The following GALNTL6 variants were observed in gnomAD, a reference collection of about 807,000 sequenced individuals.
GALNTL6 encodes the protein polypeptide N-acetylgalactosaminyltransferase like 6.
A neutral mutation model predicts 73.7 loss-of-function variants in GALNTL6; 46 were observed. The observed-to-expected ratio is 0.62, with a 90% CI of 0.49 to 0.80. GALNTL6 has a LOEUF of 0.80. GALNTL6 is among the 30% of genes least tolerant of loss of function. GALNTL6 has a pLI of 0.00. For missense variants in GALNTL6, 604 were observed against 755.0 expected (o/e 0.80, Z 2.34); for synonymous variants, 259 against 263.7 (o/e 0.98, Z 0.17).
intron 5 of GALNTL6, among the ~76,000 whole-genome samples, chr4:172,757,604 T>C (rs1165989501): frequency 6.6e-6 from 1 of 152,196 alleles, no homozygotes; most frequent in Non-Finnish European, 1.5e-5. Flanking sequence ...GAAACATCAA[T>C]TGAATGCAAG....
chr4:172,297,832 T>C (rs4478141), intron 3 of GALNTL6, among the ~76,000 whole-genome samples: 148,568 of 150,064 alleles, frequency 0.99, 73,556 homozygotes, highest in Middle Eastern at 1. Context: ...CTTGGCAATG[T>C]GGGCTCTTTT....
chr4:172,440,134 CT>C (rs1313254032), intron 5 of GALNTL6, among the ~76,000 whole-genome samples: 2 of 152,098 alleles, frequency 1.3e-5, no homozygotes, highest in Non-Finnish European at 2.9e-5. Flanking sequence ...TATGATTCAG[CT>C]CTTGGTATTT....
At chr4:172,569,927 G>A (rs565101885) in intron 5 of GALNTL6, among the ~76,000 whole-genome samples, 8 of 152,164 alleles carry the variant, frequency 5.3e-5, no homozygotes, top group Non-Finnish European at 7.3e-5. Flanking sequence ...GAAGGAGGAC[G>A]TAGTACGACA....
chr4:172,221,635 T>A (rs1015938148), intron 2 of GALNTL6, among the ~76,000 whole-genome samples: 55 of 151,854 alleles, frequency 3.6e-4, no homozygotes, highest in African/African-American at 1.3e-3. Flanking sequence ...TCAGAAAATT[T>A]GTCATTTTTG....
In GALNTL6 at chr4:172,348,507, T is replaced by C; in HGVS notation, c.387-16T>C. The C allele has an allele frequency of 1.2e-6, 2 of 1,602,888 alleles. No individual in the cohort carries two copies. Among genetic ancestry groups the C allele is most frequent in the Non-Finnish European group, 1.7e-6 (2 of 1,173,386 alleles). The stretch of plus-strand genomic sequence containing the variant: ...TTTTGTATTTGACACACCATTTTCT[T>C]TTCCCTCATCTCCAGCTGTAAGCAT... On this transcript the variant is annotated splice_polypyrimidine_tract_variant and intron_variant, in intron 4 of 12. Coordinates refer to ENST00000506823, the MANE Select transcript of GALNTL6 (RefSeq NM_001034845.3).
intron 2 of GALNTL6, among the ~76,000 whole-genome samples, chr4:172,144,508 A>G (rs954907402): frequency 7.9e-5 from 12 of 152,236 alleles, no homozygotes; most frequent in Non-Finnish European, 1.5e-4. Context: ...ATATAGTTAC[A>G]TGATAAAATC....
chr4:172,692,277 G>T (rs1333094756), intron 5 of GALNTL6, among the ~76,000 whole-genome samples: 2 of 151,860 alleles, frequency 1.3e-5, no homozygotes, highest in Non-Finnish European at 2.9e-5. Flanking sequence ...ACTATTTGCA[G>T]ATTTTTGCAA....
At chr4:172,010,935 T>G (rs1354329666) in intron 2 of GALNTL6, among the ~76,000 whole-genome samples, 1 of 152,062 alleles carries the variant, frequency 6.6e-6, no homozygotes, top group African/African-American at 2.4e-5. Context: ...GTAAGATGGA[T>G]GCTATATATT....
At chr4:172,210,861 A>G (rs575555964) in intron 2 of GALNTL6, among the ~76,000 whole-genome samples, 1 of 152,316 alleles carries the variant, frequency 6.6e-6, no homozygotes, top group African/African-American at 2.4e-5. Context: ...TTATTTATTC[A>G]ATCATTTGTT....
chr4:172,952,169 A>G lies in GALNTL6; in HGVS notation c.1282A>G (p.Lys428Glu). 1 of 1,614,096 alleles carries G rather than the reference A, an allele frequency of 6.2e-7. No individual in the cohort carries two copies. Among genetic ancestry groups the G allele is most frequent in the Non-Finnish European group, 8.5e-7 (1 of 1,180,004 alleles). ...GGAGCTGCGCAAGCAGCTCAAGTGC[A>G]AGGACTTCAAATGGTTCATGGCTGC... is the stretch of plus-strand genomic sequence containing the variant. ...QKELRKQLKC[K>E]DFKWFMAAVA... The change falls in exon 10 of 13, where the codon AAG (lysine) becomes GAG (glutamate). Residue 428 changes from lysine to glutamate, a missense_variant. Physicochemically the swap from Lys to Glu is moderately conservative, Grantham distance 56. Around this residue, in one of 5 missense-constraint regions of GALNTL6, gnomAD observed 261 missense variants for 296.5 expected, o/e 0.88. Transcript: ENST00000506823.
At chr4:172,466,820 G>A (rs1732839357) in intron 5 of GALNTL6, among the ~76,000 whole-genome samples, 1 of 152,132 alleles carries the variant, frequency 6.6e-6, no homozygotes, top group African/African-American at 2.4e-5. Context: ...GTCTTATACT[G>A]CAAATTTATT....
chr4:171,932,709 G>A (rs986488521), intron 2 of GALNTL6, among the ~76,000 whole-genome samples: 4 of 152,188 alleles, frequency 2.6e-5, no homozygotes, highest in Non-Finnish European at 5.9e-5. Context: ...TCAATGGGAT[G>A]TTTAGAGAAT....
At chr4:172,099,064 A>G (rs1277226293) in intron 2 of GALNTL6, among the ~76,000 whole-genome samples, 1 of 152,154 alleles carries the variant, frequency 6.6e-6, no homozygotes, top group Non-Finnish European at 1.5e-5. Context: ...CCAAAGGAAG[A>G]CAGTAGAAGG....
intron 2 of GALNTL6, among the ~76,000 whole-genome samples, chr4:171,830,804 A>T (rs1734948786): frequency 6.6e-6 from 1 of 152,320 alleles, no homozygotes; most frequent in East Asian, 1.9e-4. Context: ...TAAGCCAATG[A>T]TAACATAAAT....
chr4:172,218,378 T>C (rs1192523096), intron 2 of GALNTL6, among the ~76,000 whole-genome samples: 1 of 152,056 alleles, frequency 6.6e-6, no homozygotes, highest in Non-Finnish European at 1.5e-5. Flanking sequence ...TGAGAGGGTT[T>C]TTCTTGGATT....
chr4:172,930,887 C>A (rs750186291), intron 8 of GALNTL6, among the ~76,000 whole-genome samples: 5 of 152,068 alleles, frequency 3.3e-5, no homozygotes, highest in Non-Finnish European at 5.9e-5. Context: ...CTGGTCGTGA[C>A]CACCTGGGCT....
At chr4:172,963,836 T>G (rs1230735058) in intron 10 of GALNTL6, among the ~76,000 whole-genome samples, 1 of 152,216 alleles carries the variant, frequency 6.6e-6, no homozygotes, top group Non-Finnish European at 1.5e-5. Context: ...CGTTCTGACA[T>G]CCTATGGGGA....
intron 5 of GALNTL6, among the ~76,000 whole-genome samples, chr4:172,691,495 G>A (rs1249391748): frequency 1.3e-5 from 2 of 152,148 alleles, no homozygotes; most frequent in Non-Finnish European, 2.9e-5. Flanking sequence ...AGACTCTTTA[G>A]GAGTACCATA....
chr4:172,376,381 C>T (rs1362903178), intron 5 of GALNTL6, among the ~76,000 whole-genome samples: 1 of 151,978 alleles, frequency 6.6e-6, no homozygotes, highest in Admixed American at 6.6e-5. Context: ...TGCTCATGGC[C>T]GCATGGTCAA....
Sources: gnomAD v4.1 joint callset for allele counts (sites outside exome capture counted in the v4.1 genomes callset) on GRCh38, gnomAD v4.1.1 for gene constraint, gnomAD v4.1.1 regional missense constraint, MANE v1.5 for transcripts, NCBI Gene and HGNC (gene_info 2026-07-23, HGNC 2026-07-21) for gene names.